THADA: variants seen among roughly 807,000 people sequenced by gnomAD.
THADA encodes THADA armadillo repeat containing.
THADA carries 213 observed loss-of-function variants against 219.8 expected under a neutral mutation model. That is an observed-to-expected ratio of 0.97 (90% CI 0.87 to 1.09). The LOEUF (loss-of-function observed/expected upper bound fraction) is 1.09. THADA is among the 50% of genes least tolerant of loss of function. The pLI is 0.00. For synonymous variants in THADA, 1,018 were observed against 828.9 expected (o/e 1.23, Z -3.92); for missense variants, 2,956 against 2,311.3 (o/e 1.28, Z -5.72).
chr2:43,307,558 A>C (rs1209014188), intron 31 of THADA, among the ~76,000 whole-genome samples: 2 of 152,250 alleles, frequency 1.3e-5, no homozygotes, highest in African/African-American at 4.8e-5. Flanking sequence ...AGACCTTGTA[A>C]CACATGGGAC....
intron 36 of THADA, among the ~76,000 whole-genome samples, chr2:43,235,798 C>A (rs1667967446): frequency 6.6e-6 from 1 of 151,886 alleles, no homozygotes; most frequent in Non-Finnish European, 1.5e-5. Flanking sequence ...GACAGGTAGC[C>A]TCTATCCTGC....
chr2:43,400,016 G>T (rs1674601582), intron 28 of THADA, among the ~76,000 whole-genome samples: 1 of 152,202 alleles, frequency 6.6e-6, no homozygotes, highest in South Asian at 2.1e-4. Context: ...CACACACTTT[G>T]TGTTACACTG....
At chr2:43,280,101 T>G (rs1390111189) in intron 35 of THADA, among the ~76,000 whole-genome samples, 2 of 152,164 alleles carry the variant, frequency 1.3e-5, no homozygotes, top group Non-Finnish European at 2.9e-5. Context: ...AAATGCCTTT[T>G]TTGGGGGTGA....
rs186256189 is a variant in THADA, at chr2:43,400,986, G to A, written c.4059-2847C>T. On this transcript the variant is annotated intron_variant, in intron 28 of 37. Transcript: ENST00000405975. The stretch of plus-strand genomic sequence containing the variant: ...GTCTCAAGCCCTTCTGAAATAAATC[G>A]GATAGCCTCTGTCTCTCTAAGTCTC... Among the ~76,000 whole-genome samples the A allele has an allele frequency of 1.8e-4, 28 of 152,136 alleles. No homozygotes were observed. In the East Asian group the frequency reaches 2.9e-3, roughly 16 times the overall value.
In THADA at chr2:43,541,147, C is replaced by A; in HGVS notation, c.3264+12G>T. The A allele has an allele frequency of 6.6e-7, 1 of 1,523,506 alleles. No homozygotes were observed. The highest frequency in any genetic ancestry group is 8.8e-7 in the Non-Finnish European group (1 of 1,141,502). 94.4% of individuals were successfully genotyped at this position (1,523,506 alleles called of 1,614,324 possible). ...CAGAAATTATACATGGTGGAATAAA[C>A]ATGTGCCTTACCTGCTCCACCGTCA... On this transcript the variant is annotated intron_variant, in intron 21 of 37. Transcript: ENST00000405975.
At chr2:43,570,257 T>C in intron 14 of THADA, 131 bp downstream of exon 14, 6 of 880,476 alleles carry the variant, frequency 6.8e-6, no homozygotes, top group Non-Finnish European at 8.4e-6. Flanking sequence ...AAATAGGTAA[T>C]ACTCAGCTTG....
At chr2:43,583,337 A>G (rs1354678979) in intron 7 of THADA, among the ~76,000 whole-genome samples, 1 of 152,196 alleles carries the variant, frequency 6.6e-6, no homozygotes, top group African/African-American at 2.4e-5. Context: ...TACATCTAGA[A>G]TCAGACCAAC....
Position 43,592,016 on chromosome 2 carries a change from G to T in THADA, c.107C>A (p.Ala36Asp). ...TTGCACACAATGTAACAGCAAAGAAGCTAGATTTTTCCCTTCCACATCAGC... is the reference window on the plus strand; with the variant it reads ...TTGCACACAATGTAACAGCAAAGAATCTAGATTTTTCCCTTCCACATCAGC... ...SFADVEGKNL[A>D]SLLLHCVQLT... The change falls in exon 3 of 38, where the codon GCT becomes GAT. Residue 36 changes from alanine to aspartate, a missense_variant. Transcript: ENST00000405975. 6.4e-7 allele frequency: 1 copy of T among 1,562,644 alleles called. No individual in the cohort carries two copies. The highest frequency in any genetic ancestry group is 1.2e-5 in the South Asian group (1 of 84,056).
chr2:43,447,276 A>C (rs1681700055), intron 26 of THADA, among the ~76,000 whole-genome samples: 1 of 152,154 alleles, frequency 6.6e-6, no homozygotes, highest in South Asian at 2.1e-4. Flanking sequence ...ATGGGGTCAC[A>C]GCCAAATCAT....
At chr2:43,500,942 A>G (rs1009831658) in intron 24 of THADA, among the ~76,000 whole-genome samples, 12 of 152,114 alleles carry the variant, frequency 7.9e-5, no homozygotes, top group Middle Eastern at 3.2e-3. Context: ...CAGATAATAT[A>G]ATCTTTTAAA....
At chr2:43,389,345 A>G (rs976258533) in intron 29 of THADA, among the ~76,000 whole-genome samples, 1 of 152,188 alleles carries the variant, frequency 6.6e-6, no homozygotes, top group Non-Finnish European at 1.5e-5. Context: ...AATAATAGCT[A>G]AAAGCCAGGT....
intron 36 of THADA, among the ~76,000 whole-genome samples, chr2:43,244,907 G>A (rs1668975586): frequency 6.6e-6 from 1 of 152,166 alleles, no homozygotes; most frequent in African/African-American, 2.4e-5. Context: ...GGACATGGCA[G>A]CACCCAGCCC....
chr2:43,438,775 G>C (rs1012926290), intron 26 of THADA, among the ~76,000 whole-genome samples: 1 of 152,158 alleles, frequency 6.6e-6, no homozygotes, highest in African/African-American at 2.4e-5. Context: ...ACTGAACTGT[G>C]TATATACTAT....
At chr2:43,241,302 T>A (rs1668597045) in intron 36 of THADA, among the ~76,000 whole-genome samples, 1 of 151,716 alleles carries the variant, frequency 6.6e-6, no homozygotes, top group African/African-American at 2.4e-5. Context: ...TGGCCCAGGT[T>A]GGTCTTAAAC....
chr2:43,368,566 A>AT (rs879310850), intron 29 of THADA, among the ~76,000 whole-genome samples: 280 of 142,524 alleles, frequency 2.0e-3, no homozygotes, highest in Middle Eastern at 7.1e-3. Context: ...ATGTCCGGCT[A>AT]TTTTTTTTTT....
intron 26 of THADA, among the ~76,000 whole-genome samples, chr2:43,480,246 C>T (rs17334919): frequency 0.069 from 10,491 of 152,258 alleles, 426 homozygotes; most frequent in Non-Finnish European, 0.097. Flanking sequence ...GAGCTGTGAT[C>T]TCGGCTAAGT....
At chr2:43,512,922 T>C (rs909476174) in intron 22 of THADA, among the ~76,000 whole-genome samples, 1 of 152,238 alleles carries the variant, frequency 6.6e-6, no homozygotes, top group African/African-American at 2.4e-5. Context: ...TCACAGCTGC[T>C]CTTACTTCAT....
At chr2:43,293,824 T>A (rs1403276510) in intron 31 of THADA, among the ~76,000 whole-genome samples, 2 of 152,162 alleles carry the variant, frequency 1.3e-5, no homozygotes, top group Non-Finnish European at 2.9e-5. Flanking sequence ...AATGATGGGG[T>A]CACTGTCTCT....
At chr2:43,359,792 T>C (rs1669291315) in intron 29 of THADA, among the ~76,000 whole-genome samples, 1 of 151,904 alleles carries the variant, frequency 6.6e-6, no homozygotes, top group South Asian at 2.1e-4. Context: ...CTGGATTTTT[T>C]TTTTTTTCTT....
Sources: allele counts gnomAD v4.1 joint callset (sites outside exome capture counted in the v4.1 genomes callset), GRCh38; gene constraint gnomAD v4.1.1; transcripts MANE v1.5; gene names NCBI Gene and HGNC (gene_info 2026-07-23, HGNC 2026-07-21).